The following GSTM2 variants were observed in gnomAD, a reference collection of about 807,000 sequenced individuals.
The protein encoded by GSTM2 is glutathione S-transferase mu 2, also known as GST class-mu 2.
GSTM2 carries 33 observed loss-of-function variants against 33.3 expected under a neutral mutation model. The ratio of observed to expected loss-of-function variants is 0.99; its 90% CI spans 0.75 to 1.33. The LOEUF (loss-of-function observed/expected upper bound fraction) is 1.33. GSTM2 is among the 40% of genes most tolerant of loss of function. GSTM2 has a pLI of 0.00. For synonymous variants in GSTM2, 93 were observed against 95.6 expected, an observed-to-expected ratio of 0.97 and a Z score of 0.16; for missense variants, 213 against 265.8, an observed-to-expected ratio of 0.80 and a Z score of 1.38.
At chr1:109,678,254 C>T (rs1647753826), downstream of GSTM2, among the ~76,000 whole-genome samples, 1 of 152,162 alleles carries the variant, frequency 6.6e-6, no homozygotes, top group Non-Finnish European at 1.5e-5. Context: ...AAGCGATTCT[C>T]TTGCCTCAGC....
At chr1:109,673,801 G>T (rs1255175490) in intron 7 of GSTM2, among the ~76,000 whole-genome samples, 1 of 152,168 alleles carries the variant, frequency 6.6e-6, no homozygotes, top group African/African-American at 2.4e-5. Context: ...TTTTCACCAT[G>T]TTGGCCAGGC....
At chr1:109,669,039 G>C (rs748351281) in intron 3 of GSTM2, 50 bp downstream of exon 3, 18 of 1,577,492 alleles carry the variant, frequency 1.1e-5, no homozygotes, top group Non-Finnish European at 1.6e-5. Context: ...ACGTGTCTCT[G>C]ACTGCATCTC....
At chr1:109,675,331 ACTGT>A (rs1006050780), downstream of GSTM2, 8 of 169,292 alleles carry the variant, frequency 4.7e-5, no homozygotes, top group Non-Finnish European at 7.0e-5. Context: ...ATCTACCCAG[ACTGT>A]CTGTCTGTCT....
chr1:109,669,651 T>C (rs986337100), intron 5 of GSTM2, 80 bp downstream of exon 5: 5 of 910,396 alleles, frequency 5.5e-6, no homozygotes, highest in Non-Finnish European at 8.7e-6. Context: ...GTGTCCAAAA[T>C]TGATTCCTTC....
In GSTM2 at chr1:109,673,152, G is replaced by T. The variant is rs986990524; in HGVS notation, c.567+1569G>T. 32 of 1,601,464 alleles carry T rather than the reference G, an allele frequency of 2.0e-5. No homozygotes were observed. The African/African-American group carries it at 3.5e-4, about 17-fold the overall frequency. On this transcript the variant is annotated intron_variant, in intron 7 of 7. Transcript: ENST00000241337. Reference sequence around the variant, plus strand: ...CCCTAAGTGCTGGGATTACAAGCGTGAGCCACCGCGCCTGGCCTCTTCCTC... The same window carrying T: ...CCCTAAGTGCTGGGATTACAAGCGTTAGCCACCGCGCCTGGCCTCTTCCTC...
chr1:109,676,356 A>G (rs1647704977), downstream of GSTM2, among the ~76,000 whole-genome samples: 1 of 151,972 alleles, frequency 6.6e-6, no homozygotes, highest in African/African-American at 2.4e-5. Flanking sequence ...AATTATTATT[A>G]TTGTTGTTAT....
At chr1:109,669,840 C>T (rs1465783316) in intron 5 of GSTM2, 2 of 452,722 alleles carry the variant, frequency 4.4e-6, no homozygotes, top group African/African-American at 2.0e-5. Context: ...AGCCGCAGAC[C>T]TTCGCAGTGA....
intron 7 of GSTM2, among the ~76,000 whole-genome samples, chr1:109,672,720 C>T (rs912752887): frequency 5.3e-5 from 8 of 152,208 alleles, no homozygotes; most frequent in African/African-American, 1.9e-4. Context: ...CAGCTACACC[C>T]AGAAACTTTG....
At chr1:109,680,101 C>T (rs1414119728), downstream of GSTM2, among the ~76,000 whole-genome samples, 1 of 151,964 alleles carries the variant, frequency 6.6e-6, no homozygotes, top group African/African-American at 2.4e-5. Flanking sequence ...TGAATGATAC[C>T]GCTGGCTTTC....
Position 109,671,270 on chromosome 1 carries a change from G to T in GSTM2, c.361-17G>T. On this transcript the variant is annotated splice_polypyrimidine_tract_variant and intron_variant, in intron 5 of 7. Coordinates refer to ENST00000241337, the MANE Select transcript of GSTM2 (RefSeq NM_000848.4). ...GAGCTTGTGTCTGAGGGTGTTGACAGCTGTTTTCTGCCTCAGGAGAAACTG... is the reference window on the plus strand; with the variant it reads ...GAGCTTGTGTCTGAGGGTGTTGACATCTGTTTTCTGCCTCAGGAGAAACTG... 5.7e-6 allele frequency: 9 copies of T among 1,583,616 alleles called. No individual in the cohort carries two copies. Among genetic ancestry groups the T allele is most frequent in the Non-Finnish European group, 7.8e-6 (9 of 1,152,460 alleles).
At chr1:109,668,285 T>C in intron 1 of GSTM2, 134 bp downstream of exon 1, 1 of 1,351,406 alleles carries the variant, frequency 7.4e-7, no homozygotes, top group Non-Finnish European at 1.1e-6. Context: ...CTTGCCGCTG[T>C]CTGTGCGTGT....
chr1:109,669,366 A>G lies in GSTM2; in HGVS notation c.254A>G (p.Asn85Ser). 1 of 1,614,160 alleles carries G rather than the reference A, an allele frequency of 6.2e-7. No homozygotes were observed. The highest frequency in any genetic ancestry group is 1.1e-5 in the South Asian group (1 of 91,082). Residue 85 changes from asparagine to serine, a missense_variant, in exon 4 of 8, where the codon AAC (asparagine) becomes AGC (serine). Coordinates refer to ENST00000241337, the MANE Select transcript of GSTM2 (RefSeq NM_000848.4). ...CTGCGGTACATTGCCCGCAAGCACA[A>G]CCTGTGTGAGTAGATTTGGTTGCAA... ...AILRYIARKH[N>S]LCGESEKEQI...
chr1:109,669,296 T>C lies in GSTM2; in HGVS notation c.184T>C (p.Tyr62His), dbSNP rs1399752648. 6 of 1,614,060 alleles carry C rather than the reference T, an allele frequency of 3.7e-6. No homozygotes were observed. The highest frequency in any genetic ancestry group is 5.1e-6 in the Non-Finnish European group (6 of 1,180,030). ...KLGLDFPNLP[Y>H]LIDGTHKITQ... ...CGGTTTCCCATCTATCCAGCTGCCC[T>C]ACTTGATTGATGGGACTCACAAGAT... is the stretch of plus-strand genomic sequence containing the variant. The change falls in exon 4 of 8, where the codon TAC (tyrosine) becomes CAC (histidine). Residue 62 changes from tyrosine to histidine, a missense_variant. Transcript: ENST00000241337.
chr1:109,679,650 C>A (rs71665040), downstream of GSTM2, among the ~76,000 whole-genome samples: 56 of 152,186 alleles, frequency 3.7e-4, 1 homozygote, highest in Admixed American at 3.7e-3. Flanking sequence ...CTGGAGAAAG[C>A]TTAAAGAATG....
rs770727872 is a variant in GSTM2 at position 109,674,831 on chromosome 1, A to C, written c.652A>C (p.Lys218Gln). ...CACAAAGATGGCTGTCTGGGGCAACAAGTAGGGCCTTGAAGGCCAGGAGGT... is the reference window on the plus strand; with the variant it reads ...CACAAAGATGGCTGTCTGGGGCAACCAGTAGGGCCTTGAAGGCCAGGAGGT... ...VFTKMAVWGN[K>Q] is the part of the protein sequence containing the mutation. The change falls in exon 8 of 8, where the codon AAG (lysine) becomes CAG (glutamine). Residue 218 changes from lysine (K) to glutamine (Q), a missense_variant. Lys to Gln is a moderately conservative substitution (Grantham distance 53). Transcript: ENST00000241337. 2.0e-5 allele frequency: 32 copies of C among 1,614,056 alleles called. No individual in the cohort carries two copies. The Admixed American group carries it at 5.2e-4, about 26-fold the overall frequency.
chr1:109,677,882 G>T (rs775047144), downstream of GSTM2, among the ~76,000 whole-genome samples: 35 of 152,162 alleles, frequency 2.3e-4, no homozygotes, highest in Non-Finnish European at 4.1e-4. Context: ...GCTTGTGTTT[G>T]CTTTCCCTCA....
rs560735281 is a variant in GSTM2, at chr1:109,674,740, C to A, written c.568-7C>A. ...TTGAGTTCTGGCCTTATTTTCCCCC[C>A]TCTCAGGGCTTGGAGAAGATCTCTG... is the stretch of plus-strand genomic sequence containing the variant. On this transcript the variant is annotated splice_polypyrimidine_tract_variant and splice_region_variant and intron_variant, in intron 7 of 7. Transcript: ENST00000241337. The A allele has an allele frequency of 8.4e-5, 135 of 1,613,454 alleles. No homozygotes were observed. The highest frequency in any genetic ancestry group is 1.1e-4 in the Non-Finnish European group (131 of 1,179,702).
chr1:109,679,848 T>C (rs1414910444), downstream of GSTM2, among the ~76,000 whole-genome samples: 1 of 152,178 alleles, frequency 6.6e-6, no homozygotes, highest in Non-Finnish European at 1.5e-5. Flanking sequence ...GTGATTCGCC[T>C]TTGAATCAGA....
In GSTM2 at chr1:109,668,508, C is replaced by T. The variant is rs1218796713; in HGVS notation, c.112+8C>T. On this transcript the variant is annotated splice_region_variant and intron_variant, in intron 2 of 7. Transcript: ENST00000241337. ...AGTACACGATGGGGGACGGTAATGGCACCCTCGAGTCTGGGCCCTGCCCCC... is the reference window on the plus strand; with the variant it reads ...AGTACACGATGGGGGACGGTAATGGTACCCTCGAGTCTGGGCCCTGCCCCC... 1 of 1,613,748 alleles carries T rather than the reference C, an allele frequency of 6.2e-7. No individual in the cohort carries two copies. The highest frequency in any genetic ancestry group is 8.5e-7 in the Non-Finnish European group (1 of 1,179,718).
Sources: gnomAD v4.1 joint callset for allele counts (sites outside exome capture counted in the v4.1 genomes callset) on GRCh38, gnomAD v4.1.1 for gene constraint, MANE v1.5 for transcripts, NCBI Gene and HGNC (gene_info 2026-07-23, HGNC 2026-07-21) for gene names.